Variants in RGPD2 observed in about 807,000 individuals in gnomAD.
RGPD2 encodes RANBP2-like and GRIP domain-containing protein 2.
Under a neutral mutation model 36.0 loss-of-function variants are expected in RGPD2, and 2 were observed. The ratio of observed to expected loss-of-function variants is 0.06; its 90% CI spans 0.02 to 0.17. The LOEUF is 0.17. Among genes scored for constraint, RGPD2 ranks in the 10% least tolerant of loss-of-function variants. The pLI is 1.00. For synonymous variants in RGPD2, 19 were observed against 163.8 expected (o/e 0.12, Z 6.75); for missense variants, 40 against 464.3 (o/e 0.09, Z 8.40).
At chr2:87,847,306 GTTA>G in the RGPD2 span, among the ~76,000 whole-genome samples, 42 of 152,262 alleles carry the variant, frequency 2.8e-4, no homozygotes, top group African/African-American at 9.4e-4. Flanking sequence ...CAGTTTTTGT[GTTA>G]TATTTCTGTT....
At chr2:87,962,471 A>T in the RGPD2 span, among the ~76,000 whole-genome samples, 38 of 152,302 alleles carry the variant, frequency 2.5e-4, no homozygotes, top group African/African-American at 8.7e-4. Context: ...TTGGATGTGA[A>T]TAAAAGAAAA....
At chr2:87,845,911 T>G in the RGPD2 span, among the ~76,000 whole-genome samples, 8 of 149,896 alleles carry the variant, frequency 5.3e-5, no homozygotes, top group Non-Finnish European at 1.1e-4. Flanking sequence ...TTGACAGTAT[T>G]ATCTTATAAT....
chr2:87,986,737 G>T, the RGPD2 span, among the ~76,000 whole-genome samples: 2 of 151,090 alleles, frequency 1.3e-5, no homozygotes, highest in Admixed American at 1.3e-4. Flanking sequence ...AAAATTAGTT[G>T]GGCATTGTGG....
the RGPD2 span, among the ~76,000 whole-genome samples, chr2:87,964,072 G>T: frequency 2.6e-5 from 4 of 151,874 alleles, no homozygotes; most frequent in Non-Finnish European, 2.9e-5. Context: ...CTGGCCTCCA[G>T]TGAACCATCT....
At chr2:87,954,994 CTTTTTTTTTTTTTT>C in the RGPD2 span, among the ~76,000 whole-genome samples, 4 of 19,186 alleles carry the variant, frequency 2.1e-4, no homozygotes, top group African/African-American at 6.1e-4. Flanking sequence ...CTGCTTGAAA[CTTTTTTTTTTTTTT>C]TTTTTTTTTT....
At chr2:87,961,633 C>T in the RGPD2 span, among the ~76,000 whole-genome samples, 2 of 135,406 alleles carry the variant, frequency 1.5e-5, no homozygotes, top group Non-Finnish European at 3.1e-5. Flanking sequence ...AACTGAGAGG[C>T]GAGGGTTGCA....
chr2:87,872,596 G>A, the RGPD2 span, among the ~76,000 whole-genome samples: 1 of 150,784 alleles, frequency 6.6e-6, no homozygotes, highest in Non-Finnish European at 1.5e-5. Context: ...TGCCATTGTG[G>A]TTTTATGCAC....
chr2:87,864,583 TA>T, the RGPD2 span, among the ~76,000 whole-genome samples: 2 of 115,378 alleles, frequency 1.7e-5, no homozygotes, highest in Middle Eastern at 3.8e-3. Context: ...AGATGATAGA[TA>T]GATAGATAGA....
Position 87,762,719 on chromosome 2 carries a change from A to AAACAAC in RGPD2, c.5237-5299_5237-5294dup, listed in dbSNP as rs774710896. ...GGTGACACAGTGAGTATCCATCTCA[A>AAACAAC]AACAACAACAACAACAACAACAACA... On this transcript the variant is annotated intron_variant, in intron 22 of 22. Transcript: ENST00000398146. Among the ~76,000 whole-genome samples the AAACAAC allele has an allele frequency of 1.0e-4, 4 of 40,156 alleles. No individual in the cohort carries two copies. The Admixed American group carries it at 1.2e-3, about 12-fold the overall frequency. 26.3% of individuals were successfully genotyped at this position (40,156 alleles called of 152,430 possible).
At chr2:87,957,151 A>G in the RGPD2 span, among the ~76,000 whole-genome samples, 1 of 151,020 alleles carries the variant, frequency 6.6e-6, no homozygotes, top group African/African-American at 2.4e-5. Context: ...TCCCACCCAA[A>G]TTTACAAGAT....
the RGPD2 span, among the ~76,000 whole-genome samples, chr2:87,848,043 AT>A: frequency 6.7e-6 from 1 of 149,148 alleles, no homozygotes; most frequent in Non-Finnish European, 1.5e-5. Flanking sequence ...GAAGTTTTCT[AT>A]TTTTTGTTTT....
chr2:87,984,791 G>A, the RGPD2 span, among the ~76,000 whole-genome samples: 6 of 151,612 alleles, frequency 4.0e-5, no homozygotes, highest in East Asian at 1.9e-4. Context: ...TTAGCCGGGC[G>A]TGGTGGCGGG....
the RGPD2 span, among the ~76,000 whole-genome samples, chr2:87,897,138 T>G: frequency 2.0e-5 from 3 of 150,536 alleles, no homozygotes; most frequent in African/African-American, 7.3e-5. Flanking sequence ...TTACCTAAAC[T>G]AAAAAAGTAG....
chr2:87,974,702 C>A, the RGPD2 span, among the ~76,000 whole-genome samples: 1 of 152,180 alleles, frequency 6.6e-6, no homozygotes, highest in East Asian at 1.9e-4. Flanking sequence ...TGGTCAAGTC[C>A]TCATCTGATT....
At chr2:87,881,702 CT>C in the RGPD2 span, among the ~76,000 whole-genome samples, 1 of 148,860 alleles carries the variant, frequency 6.7e-6, no homozygotes, top group East Asian at 1.9e-4. Flanking sequence ...GTCTTCCAAC[CT>C]TTGCCCATTA....
chr2:87,962,027 C>CA, the RGPD2 span, among the ~76,000 whole-genome samples: 217 of 108,348 alleles, frequency 2.0e-3, 1 homozygote, highest in East Asian at 0.023. Context: ...ACACTTGTCT[C>CA]AAAAAAAAAA....
At chr2:87,881,210 G>A in the RGPD2 span, among the ~76,000 whole-genome samples, 2 of 150,890 alleles carry the variant, frequency 1.3e-5, no homozygotes, top group African/African-American at 4.9e-5. Flanking sequence ...ACAGGTTGTT[G>A]AGTGGCTGCA....
At chr2:87,827,355 A>G (rs1377525498), upstream of RGPD2, among the ~76,000 whole-genome samples, 3 of 152,348 alleles carry the variant, frequency 2.0e-5, no homozygotes, top group Non-Finnish European at 4.4e-5. Context: ...GTAGAATAAA[A>G]AAAACTTTTA....
the RGPD2 span, among the ~76,000 whole-genome samples, chr2:87,864,062 T>C: frequency 2.6e-5 from 4 of 152,040 alleles, no homozygotes; most frequent in African/African-American, 9.7e-5. Flanking sequence ...ATGGTTCATT[T>C]AATGTGTTGA....
Sources: gnomAD v4.1 joint callset for allele counts (sites outside exome capture counted in the v4.1 genomes callset) on GRCh38, gnomAD v4.1.1 for gene constraint, MANE v1.5 for transcripts, NCBI Gene and HGNC (gene_info 2026-07-23, HGNC 2026-07-21) for gene names.